The following SPAG17 variants were observed in gnomAD, a reference collection of about 807,000 sequenced individuals.
SPAG17 encodes sperm-associated antigen 17.
A neutral mutation model predicts 273.6 loss-of-function variants in SPAG17; 169 were observed. The ratio of observed to expected loss-of-function variants is 0.62; its 90% confidence interval spans 0.55 to 0.70. The LOEUF (loss-of-function observed/expected upper bound fraction) is 0.70, where lower values mean the gene tolerates loss of function less well. Among genes scored for constraint, SPAG17 ranks in the 30% least tolerant of loss-of-function variants. The pLI, the probability that SPAG17 is intolerant of heterozygous loss-of-function variation, is 0.00. For missense variants in SPAG17, 2,557 were observed against 2,627.8 expected (o/e 0.97, Z 0.59); for synonymous variants, 825 against 873.2 (o/e 0.94, Z 0.97).
At chr1:117,999,291 C>T (rs990746303) in intron 32 of SPAG17, among the ~76,000 whole-genome samples, 1 of 152,034 alleles carries the variant, frequency 6.6e-6, no homozygotes, top group Non-Finnish European at 1.5e-5. Flanking sequence ...AGTAAACATA[C>T]GTGTGCATGT....
intron 48 of SPAG17, chr1:117,963,048 C>G (rs754421327): frequency 1.4e-4 from 22 of 152,206 alleles, no homozygotes; most frequent in Non-Finnish European, 3.1e-4. Flanking sequence ...ACCATATATT[C>G]AAGTCCTTTC....
chr1:118,042,183 A>G (rs1571322064), intron 20 of SPAG17, 141 bp from the exon 21 acceptor site: 1 of 996,094 alleles, frequency 1.0e-6, no homozygotes, highest in African/African-American at 1.6e-5. Flanking sequence ...AGAAGCCTTG[A>G]CGTCATCCTT....
chr1:118,020,846 A>C (rs1660430801), intron 28 of SPAG17, among the ~76,000 whole-genome samples: 1 of 152,152 alleles, frequency 6.6e-6, no homozygotes, highest in Non-Finnish European at 1.5e-5. Context: ...AATCAAAAGA[A>C]TAGTAATAAT....
intron 21 of SPAG17, 56 bp downstream of exon 21, chr1:118,041,747 C>T (rs1649777600): frequency 1.3e-6 from 2 of 1,562,412 alleles, no homozygotes; most frequent in East Asian, 4.5e-5. Flanking sequence ...ACCGTATTTT[C>T]CCAAAACAAT....
At chr1:117,963,736 T>A in intron 48 of SPAG17, 63 bp downstream of exon 48, 1 of 1,463,716 alleles carries the variant, frequency 6.8e-7, no homozygotes, top group Non-Finnish European at 9.3e-7. Context: ...GGAAGAAACC[T>A]GGGGTCTAAT....
At position 117,996,516 on chromosome 1, in the gene SPAG17, A is replaced by G; in HGVS notation, c.4923-16T>C. ...AACAAAAAACCTATTTGAAGAAATA[A>G]AAATATAATCACTTCAAGTATTCCG... On this transcript the variant is annotated splice_polypyrimidine_tract_variant and intron_variant, in intron 33 of 48. Coordinates refer to ENST00000336338, the MANE Select transcript of SPAG17 (RefSeq NM_206996.4). 1 of 1,608,876 alleles carries G rather than the reference A, an allele frequency of 6.2e-7. No homozygotes were observed. Among genetic ancestry groups the G allele is most frequent in the Non-Finnish European group, 8.5e-7 (1 of 1,178,172 alleles).
At chr1:118,097,626 G>C in intron 7 of SPAG17, 44 bp downstream of exon 7, 4 of 1,441,360 alleles carry the variant, frequency 2.8e-6, no homozygotes, top group Non-Finnish European at 3.7e-6. Flanking sequence ...GAACCACTGT[G>C]TCACATGTTA....
At chr1:118,075,689 G>A (rs545452137) in intron 15 of SPAG17, among the ~76,000 whole-genome samples, 1 of 152,284 alleles carries the variant, frequency 6.6e-6, no homozygotes, top group South Asian at 2.1e-4. Context: ...GTCTGACAAA[G>A]TTGTACAGGA....
chr1:118,042,679 T>C (rs1188399000), intron 20 of SPAG17, among the ~76,000 whole-genome samples: 1 of 152,114 alleles, frequency 6.6e-6, no homozygotes, highest in African/African-American at 2.4e-5. Context: ...GGAAATATCC[T>C]CTCCTAGGGT....
rs184117198 is a variant in SPAG17 at position 118,125,200 on chromosome 1, T to A, written c.316-9759A>T. On this transcript the variant is annotated intron_variant, in intron 3 of 48. Coordinates refer to ENST00000336338, the MANE Select transcript of SPAG17 (RefSeq NM_206996.4). ...CTGGCCTGAGCACATATCAATTTTT[T>A]AAAAAATTTGTATTATTTTTTATTG... 2.5e-3 allele frequency among the ~76,000 whole-genome samples: 376 copies of A among 151,436 alleles called. 5 individuals carry two copies. Among genetic ancestry groups the A allele is most frequent in the African/African-American group, 8.6e-3 (353 of 41,122 alleles).
At chr1:118,116,399 G>T (rs1354963432) in intron 3 of SPAG17, among the ~76,000 whole-genome samples, 1 of 152,050 alleles carries the variant, frequency 6.6e-6, no homozygotes, top group Non-Finnish European at 1.5e-5. Context: ...GATGAATTAG[G>T]TGTTACTAAA....
At chr1:118,036,109 G>A (rs1236371330) in intron 24 of SPAG17, among the ~76,000 whole-genome samples, 1 of 152,122 alleles carries the variant, frequency 6.6e-6, no homozygotes, top group Admixed American at 6.6e-5. Flanking sequence ...GATTGCTTGA[G>A]CTCAGGAGTT....
intron 15 of SPAG17, among the ~76,000 whole-genome samples, chr1:118,078,898 C>G (rs921149377): frequency 1.8e-4 from 28 of 152,024 alleles, no homozygotes; most frequent in African/African-American, 6.0e-4. Context: ...CCTTCTATCC[C>G]TGTTATAAAT....
At chr1:118,036,726 T>C (rs769419887) in intron 24 of SPAG17, 44 bp downstream of exon 24, 1 of 1,359,876 alleles carries the variant, frequency 7.4e-7, no homozygotes, top group Non-Finnish European at 1.0e-6. Context: ...GCAGGGACCC[T>C]TGGCTGTGGG....
chr1:118,086,194 G>A, intron 12 of SPAG17, 122 bp from the exon 13 acceptor site: 1 of 958,230 alleles, frequency 1.0e-6, no homozygotes, highest in East Asian at 2.8e-5. Flanking sequence ...GAAATCAATG[G>A]TAATTGGGAA....
intron 32 of SPAG17, among the ~76,000 whole-genome samples, chr1:118,004,560 T>C (rs6693875): frequency 0.57 from 87,158 of 152,154 alleles, 25,593 homozygotes; most frequent in African/African-American, 0.7. Flanking sequence ...CCTCACAGTT[T>C]GATCTCAGGC....
intron 32 of SPAG17, among the ~76,000 whole-genome samples, chr1:117,998,869 G>C (rs1038691254): frequency 6.6e-6 from 1 of 151,730 alleles, no homozygotes; most frequent in Admixed American, 6.6e-5. Context: ...TAAATTCTAG[G>C]GCACATGTGC....
chr1:118,028,066 A>G (rs776033750), intron 26 of SPAG17, among the ~76,000 whole-genome samples: 2 of 152,202 alleles, frequency 1.3e-5, no homozygotes, highest in Non-Finnish European at 2.9e-5. Flanking sequence ...TGGAGTAGTT[A>G]GTATTTAGAT....
chr1:118,065,932 T>C (rs1652915516), intron 18 of SPAG17, among the ~76,000 whole-genome samples: 1 of 151,940 alleles, frequency 6.6e-6, no homozygotes, highest in Non-Finnish European at 1.5e-5. Context: ...AGCCAAGACA[T>C]AAGGCAAAGG....
Sources: allele counts gnomAD v4.1 joint callset (sites outside exome capture counted in the v4.1 genomes callset), GRCh38; gene constraint gnomAD v4.1.1; transcripts MANE v1.5; gene names NCBI Gene and HGNC (gene_info 2026-07-23, HGNC 2026-07-21).